Variants in MORC1 observed in about 807,000 individuals in gnomAD.
The protein encoded by MORC1 is MORC family CW-type zinc finger protein 1.
MORC1 carries 59 observed loss-of-function variants against 134.9 expected under a neutral mutation model. That is an observed-to-expected ratio of 0.44 (90% CI 0.35 to 0.54). The LOEUF (loss-of-function observed/expected upper bound fraction) is 0.54, where lower values mean the gene tolerates loss of function less well. Ranked by LOEUF, MORC1 falls within the 20% of genes least tolerant of loss-of-function variation. The pLI is 0.00. For synonymous variants in MORC1, 395 were observed against 391.7 expected, an observed-to-expected ratio of 1.01 and a Z score of -0.10; for missense variants, 947 against 1,134.5, an observed-to-expected ratio of 0.83 and a Z score of 2.37.
chr3:109,039,957 A>G (rs1235346407), intron 14 of MORC1, among the ~76,000 whole-genome samples: 1 of 152,046 alleles, frequency 6.6e-6, no homozygotes, highest in African/African-American at 2.4e-5. Context: ...TAGTGCATCC[A>G]AAAGCTGCTA....
chr3:109,077,919 G>T (rs1356031128), intron 8 of MORC1, among the ~76,000 whole-genome samples: 1 of 151,996 alleles, frequency 6.6e-6, no homozygotes, highest in Non-Finnish European at 1.5e-5. Flanking sequence ...AAAATACACA[G>T]TAGGAAAATG....
At chr3:108,997,666 A>G (rs1353416245) in intron 21 of MORC1, among the ~76,000 whole-genome samples, 1 of 152,234 alleles carries the variant, frequency 6.6e-6, no homozygotes, top group Non-Finnish European at 1.5e-5. Context: ...AGTGAGCTAC[A>G]GCAGTGAGGT....
chr3:109,059,093 T>C (rs1430171318), intron 12 of MORC1, among the ~76,000 whole-genome samples: 1 of 152,172 alleles, frequency 6.6e-6, no homozygotes, highest in Non-Finnish European at 1.5e-5. Context: ...AAATTTACAT[T>C]TAAAATTTAA....
At chr3:109,060,441 T>C (rs1184675387) in intron 11 of MORC1, among the ~76,000 whole-genome samples, 2 of 151,628 alleles carry the variant, frequency 1.3e-5, no homozygotes, top group Middle Eastern at 3.4e-3. Context: ...CTACTCTAAA[T>C]CTGGTATGCT....
chr3:109,042,201 CA>C (rs1466096656), intron 14 of MORC1, among the ~76,000 whole-genome samples: 1 of 152,034 alleles, frequency 6.6e-6, no homozygotes, highest in East Asian at 1.9e-4. Context: ...GGTAGTTCCT[CA>C]AAAAATTAAA....
At chr3:109,091,680 G>A (rs1170314284) in intron 8 of MORC1, among the ~76,000 whole-genome samples, 2 of 151,916 alleles carry the variant, frequency 1.3e-5, no homozygotes, top group African/African-American at 2.4e-5. Context: ...AATATATCGC[G>A]TCCTCAGTTC....
At chr3:109,109,610 A>C (rs1190789172) in intron 3 of MORC1, among the ~76,000 whole-genome samples, 1 of 152,082 alleles carries the variant, frequency 6.6e-6, no homozygotes, top group Non-Finnish European at 1.5e-5. Flanking sequence ...ACTCTATTGG[A>C]TATGGAAGGG....
In MORC1 at chr3:109,082,265, C is replaced by A. The variant is rs202218637; in HGVS notation, c.689+11171G>T. 2.0e-5 allele frequency among the ~76,000 whole-genome samples: 3 copies of A among 150,892 alleles called. No individual in the cohort carries two copies. In the East Asian group the frequency reaches 5.9e-4, roughly 29 times the overall value. On this transcript the variant is annotated intron_variant, in intron 8 of 27. Coordinates refer to ENST00000232603, the MANE Select transcript of MORC1 (RefSeq NM_014429.4). Reference sequence around the variant, plus strand: ...GAGAAAAATTTAAAAAAAAAAAAACCACCAGGTAAATTACGAATAATCTTC... The same window carrying A: ...GAGAAAAATTTAAAAAAAAAAAAACAACCAGGTAAATTACGAATAATCTTC...
At chr3:109,084,508 T>C (rs960514322) in intron 8 of MORC1, among the ~76,000 whole-genome samples, 9 of 152,130 alleles carry the variant, frequency 5.9e-5, no homozygotes, top group African/African-American at 2.2e-4. Context: ...CTGAAGAGAA[T>C]TTGAAACATA....
At position 108,959,000 on chromosome 3, in the gene MORC1, G is replaced by A. The variant is rs941981001; in HGVS notation, c.2920C>T (p.Pro974Ser). ...GAAGTCTTTTCATTTTTTTCTAAAG[G>A]GAGTCTATGTCTTGCATCTATAGTT... ...KVTIDARHRL[P>S]LEKNEKTSEN is the part of the protein sequence containing the mutation. The change falls in exon 28 of 28, where the codon CCT becomes TCT. Residue 974 changes from proline (P) to serine (S), a missense_variant. By Grantham distance (74) the Pro-to-Ser change is moderately conservative. Coordinates refer to ENST00000232603, the MANE Select transcript of MORC1 (RefSeq NM_014429.4). 4.6e-6 allele frequency: 7 copies of A among 1,513,498 alleles called. No homozygotes were observed. The highest frequency in any genetic ancestry group is 2.6e-5 in the East Asian group (1 of 39,124). The allele number at this position is 1,513,498 out of a possible 1,614,324, so 93.8% of individuals were successfully genotyped here. A position where few individuals can be genotyped will look rare whatever the true frequency, so the allele number is the denominator to read the frequency against.
chr3:109,065,663 T>C (rs1415661237), intron 9 of MORC1, among the ~76,000 whole-genome samples: 1 of 152,212 alleles, frequency 6.6e-6, no homozygotes, highest in Non-Finnish European at 1.5e-5. Flanking sequence ...GGTGGACCTA[T>C]GCAATGGCCT....
At chr3:109,018,058 G>T (rs960912643) in intron 17 of MORC1, among the ~76,000 whole-genome samples, 4 of 152,124 alleles carry the variant, frequency 2.6e-5, no homozygotes, top group African/African-American at 9.7e-5. Context: ...CAGACCAAGA[G>T]ATTCTTGTTT....
chr3:109,080,673 G>A (rs1225793366), intron 8 of MORC1, among the ~76,000 whole-genome samples: 1 of 152,040 alleles, frequency 6.6e-6, no homozygotes, highest in East Asian at 1.9e-4. Context: ...AAAATCCCAA[G>A]AGCATTTTAT....
At chr3:109,054,605 G>A in intron 14 of MORC1, 123 bp downstream of exon 14, 1 of 861,684 alleles carries the variant, frequency 1.2e-6, no homozygotes, top group Non-Finnish European at 1.7e-6. Context: ...TTTTAAAGCA[G>A]GAGCTCCCTT....
intron 7 of MORC1, 74 bp from the exon 8 acceptor site, chr3:109,093,615 A>G (rs527897651): frequency 1.8e-6 from 2 of 1,095,020 alleles, no homozygotes; most frequent in Non-Finnish European, 2.7e-6. Flanking sequence ...CTATCATTTC[A>G]TCTATGGAAC....
At chr3:109,108,855 G>A (rs572549144) in intron 3 of MORC1, among the ~76,000 whole-genome samples, 14 of 150,762 alleles carry the variant, frequency 9.3e-5, no homozygotes, top group East Asian at 3.9e-4. Context: ...AGCCGAGCTC[G>A]CGCCACTGCA....
chr3:109,064,686 C>T (rs1950158386), intron 9 of MORC1, among the ~76,000 whole-genome samples: 2 of 151,986 alleles, frequency 1.3e-5, no homozygotes, highest in South Asian at 4.2e-4. Context: ...AGTATTCAAT[C>T]ATTATTATTT....
intron 26 of MORC1, 27 bp from the exon 27 acceptor site, chr3:108,963,635 G>T: frequency 7.1e-7 from 1 of 1,413,116 alleles, no homozygotes; most frequent in Non-Finnish European, 9.6e-7. Context: ...AACAGTTTTA[G>T]CATGTTTTTA....
At chr3:109,091,608 C>T (rs1432163267) in intron 8 of MORC1, among the ~76,000 whole-genome samples, 3 of 152,034 alleles carry the variant, frequency 2.0e-5, no homozygotes, top group South Asian at 2.1e-4. Flanking sequence ...CTGCTACCCC[C>T]GAGGAGGTGG....
Sources: gnomAD v4.1 joint callset for allele counts (sites outside exome capture counted in the v4.1 genomes callset) on GRCh38, gnomAD v4.1.1 for gene constraint, MANE v1.5 for transcripts, NCBI Gene and HGNC (gene_info 2026-07-23, HGNC 2026-07-21) for gene names.